GABRG3: variants seen among roughly 807,000 people sequenced by gnomAD.
GABRG3 encodes gamma-aminobutyric acid type A receptor subunit gamma3.
Under a neutral mutation model 48.8 loss-of-function variants are expected in GABRG3, and 25 were observed. That is an observed-to-expected ratio of 0.51 (90% CI 0.37 to 0.72). The LOEUF (loss-of-function observed/expected upper bound fraction) is 0.72, where lower values mean the gene tolerates loss of function less well. GABRG3 is among the 30% of genes least tolerant of loss of function. The pLI is 0.00. For synonymous variants in GABRG3, 227 were observed against 217.6 expected (o/e 1.04, Z -0.38); for missense variants, 394 against 577.9 (o/e 0.68, Z 3.26).
chr15:27,220,301 C>G (rs1595594268), intron 3 of GABRG3, among the ~76,000 whole-genome samples: 2 of 152,004 alleles, frequency 1.3e-5, no homozygotes, highest in South Asian at 2.1e-4. Context: ...GTTAAGGAAC[C>G]AAAGCTTTGT....
At chr15:27,218,694 A>C (rs530186582) in intron 3 of GABRG3, among the ~76,000 whole-genome samples, 13 of 152,272 alleles carry the variant, frequency 8.5e-5, no homozygotes, top group Admixed American at 4.6e-4. Context: ...CCCTCAATGC[A>C]AATCTTATGT....
At chr15:27,330,002 G>C (rs1282711000) in intron 5 of GABRG3, among the ~76,000 whole-genome samples, 2 of 152,154 alleles carry the variant, frequency 1.3e-5, no homozygotes, top group Admixed American at 1.3e-4. Flanking sequence ...AGCACTTTGG[G>C]AGGCCGAGGT....
chr15:27,386,287 G>A (rs1895918236), intron 5 of GABRG3, among the ~76,000 whole-genome samples: 1 of 152,108 alleles, frequency 6.6e-6, no homozygotes, highest in African/African-American at 2.4e-5. Context: ...TAAAACTGAG[G>A]AAGTTAAGAA....
intron 3 of GABRG3, among the ~76,000 whole-genome samples, chr15:27,116,228 G>A (rs944849482): frequency 6.6e-6 from 1 of 152,162 alleles, no homozygotes; most frequent in Non-Finnish European, 1.5e-5. Context: ...GGGCCCCTGG[G>A]GAACATGCCC....
intron 3 of GABRG3, among the ~76,000 whole-genome samples, chr15:27,153,027 A>AT (rs1220756021): frequency 1.2e-4 from 18 of 151,860 alleles, no homozygotes; most frequent in Admixed American, 1.2e-3. Flanking sequence ...CTCCCGGCTA[A>AT]TTTTTTGTAT....
intron 3 of GABRG3, among the ~76,000 whole-genome samples, chr15:27,064,086 AG>A (rs1257648507): frequency 2.0e-5 from 3 of 151,986 alleles, no homozygotes; most frequent in South Asian, 4.2e-4. Flanking sequence ...TGATCCCTTG[AG>A]TTTGGAGAGA....
At chr15:27,309,269 T>C (rs1486352936) in intron 3 of GABRG3, among the ~76,000 whole-genome samples, 1 of 151,458 alleles carries the variant, frequency 6.6e-6, no homozygotes, top group East Asian at 1.9e-4. Context: ...CACGTACACA[T>C]ACATATGTAT....
intron 6 of GABRG3, among the ~76,000 whole-genome samples, chr15:27,489,258 T>A (rs543342817): frequency 4.6e-5 from 7 of 152,354 alleles, no homozygotes; most frequent in African/African-American, 1.4e-4. Context: ...TGTGCCACAT[T>A]TTCTTTATCC....
In GABRG3 at chr15:27,533,223, T is replaced by A. The variant is rs1029209604; in HGVS notation, c.*342T>A. 15 of 266,568 alleles carry A rather than the reference T, an allele frequency of 5.6e-5. No individual in the cohort carries two copies. Among genetic ancestry groups the A allele is most frequent in the Non-Finnish European group, 7.2e-6 (1 of 138,512 alleles). The allele number at this position is 266,568 out of a possible 1,614,324, so 16.5% of individuals were successfully genotyped here. ...AATCTGTAAAATGTGCACGTGAATGTCTGAGATGCTCTCTCAGGCCTCTAG... is the reference window on the plus strand; with the variant it reads ...AATCTGTAAAATGTGCACGTGAATGACTGAGATGCTCTCTCAGGCCTCTAG... On this transcript the variant is annotated 3_prime_UTR_variant, in exon 10 of 10. Transcript: ENST00000615808.
chr15:27,163,224 G>A (rs1383715496), intron 3 of GABRG3, among the ~76,000 whole-genome samples: 2 of 152,076 alleles, frequency 1.3e-5, no homozygotes, highest in Non-Finnish European at 2.9e-5. Flanking sequence ...TCTAGGCTGG[G>A]CACCGTGGCT....
chr15:27,265,464 T>C (rs143883487), intron 3 of GABRG3, among the ~76,000 whole-genome samples: 1 of 152,336 alleles, frequency 6.6e-6, no homozygotes, highest in African/African-American at 2.4e-5. Flanking sequence ...ACTCTAAGCC[T>C]TATTTCTAAC....
At chr15:27,402,311 C>T (rs563257210) in intron 5 of GABRG3, among the ~76,000 whole-genome samples, 1 of 152,116 alleles carries the variant, frequency 6.6e-6, no homozygotes, top group Non-Finnish European at 1.5e-5. Context: ...AGAATGCTAA[C>T]AAGATATTGA....
intron 5 of GABRG3, chr15:27,366,203 C>G (rs370937694): frequency 1.3e-5 from 2 of 152,090 alleles, no homozygotes; most frequent in Non-Finnish European, 2.9e-5. Flanking sequence ...ATAGAGGGCA[C>G]GCAGGCATGT....
chr15:27,011,825 G>A (rs1167371811), intron 2 of GABRG3, among the ~76,000 whole-genome samples: 2 of 149,678 alleles, frequency 1.3e-5, no homozygotes, highest in East Asian at 3.9e-4. Flanking sequence ...TCCAGGCTGG[G>A]CGACAGAGCA....
At chr15:27,075,696 A>G (rs1044560411) in intron 3 of GABRG3, among the ~76,000 whole-genome samples, 1 of 152,224 alleles carries the variant, frequency 6.6e-6, no homozygotes, top group African/African-American at 2.4e-5. Context: ...TCATAAGGCA[A>G]TATGAGCTTT....
At chr15:27,282,706 T>G (rs534015551) in intron 3 of GABRG3, among the ~76,000 whole-genome samples, 8 of 152,346 alleles carry the variant, frequency 5.3e-5, no homozygotes, top group Admixed American at 5.2e-4. Flanking sequence ...TTCTAATGTC[T>G]TGTCATCTGG....
intron 5 of GABRG3, among the ~76,000 whole-genome samples, chr15:27,374,795 G>A (rs1220105042): frequency 1.3e-5 from 2 of 152,190 alleles, no homozygotes; most frequent in African/African-American, 4.8e-5. Context: ...TTCATTATTG[G>A]CTGAGGTCCT....
chr15:27,490,885 A>G, intron 6 of GABRG3, among the ~76,000 whole-genome samples: 3 of 106,112 alleles, frequency 2.8e-5, no homozygotes, highest in Middle Eastern at 8.0e-3. Flanking sequence ...TTGTCCTGCC[A>G]CCACCCCCAC....
intron 2 of GABRG3, among the ~76,000 whole-genome samples, chr15:27,013,861 T>C (rs992433735): frequency 8.5e-5 from 13 of 152,124 alleles, no homozygotes; most frequent in Non-Finnish European, 1.8e-4. Context: ...AGACTCCATA[T>C]AATTTTGGAA....
Sources: allele counts gnomAD v4.1 joint callset (sites outside exome capture counted in the v4.1 genomes callset), GRCh38; gene constraint gnomAD v4.1.1; transcripts MANE v1.5; gene names NCBI Gene and HGNC (gene_info 2026-07-23, HGNC 2026-07-21).